The following WNK1 variants were observed in gnomAD, a reference collection of about 807,000 sequenced individuals.
WNK1 encodes serine/threonine-protein kinase WNK1.
Under a neutral mutation model 222.8 loss-of-function variants are expected in WNK1, and 38 were observed. The ratio of observed to expected loss-of-function variants is 0.17; its 90% CI spans 0.13 to 0.22. The LOEUF is 0.22. WNK1 is among the 10% of genes least tolerant of loss of function. The probability of loss-of-function intolerance (pLI) is 1.00; values close to 1 mark genes in which losing one functional copy is unlikely to be tolerated. For missense variants in WNK1, 2,348 were observed against 2,918.4 expected (o/e 0.80, Z 4.50); for synonymous variants, 1,090 against 1,092.9 (o/e 1.00, Z 0.05).
In WNK1 at chr12:760,340, A is replaced by G. The variant is rs138261728; in HGVS notation, c.759+6016A>G. Among the ~76,000 whole-genome samples the G allele has an allele frequency of 1.3e-3, 191 of 147,918 alleles. 5 individuals carry two copies. The highest frequency in any genetic ancestry group is 4.4e-3 in the African/African-American group (181 of 41,226). On this transcript the variant is annotated intron_variant, in intron 1 of 27. Transcript: ENST00000315939. ...AAAGTTCACTATGGTGTAATAGAAT[A>G]CTATACAATGAAAAGGAGCACCAAG...
intron 4 of WNK1, among the ~76,000 whole-genome samples, chr12:840,407 C>T (rs1283960305): frequency 6.6e-6 from 1 of 150,588 alleles, no homozygotes; most frequent in East Asian, 2.0e-4. Flanking sequence ...GCTGGGATTA[C>T]ATTTACGAGT....
At chr12:862,050 T>C in intron 7 of WNK1, 33 bp from the exon 8 acceptor site, 2 of 1,613,000 alleles carry the variant, frequency 1.2e-6, no homozygotes, top group Non-Finnish European at 1.7e-6. Context: ...TCTTTCTCTC[T>C]CTCTTTTTTT....
chr12:840,074 A>G (rs990476545), intron 4 of WNK1, among the ~76,000 whole-genome samples: 5 of 151,726 alleles, frequency 3.3e-5, no homozygotes, highest in Non-Finnish European at 5.9e-5. Context: ...TTCTTGGCCA[A>G]ATTCAGCCTG....
Position 909,070 on chromosome 12 carries a change from T to C in WNK1, c.*278T>C, listed in dbSNP as rs1955926396. 2.2e-6 allele frequency: 1 copy of C among 451,712 alleles called. No homozygotes were observed. The highest frequency in any genetic ancestry group is 2.0e-5 in the African/African-American group (1 of 50,506). 28.0% of individuals were successfully genotyped at this position (451,712 alleles called of 1,614,324 possible). The stretch of plus-strand genomic sequence containing the variant: ...GTTTATCTATACTCAGTAATGAGGA[T>C]GAGGGCTAGGAAAGTCTTGTTCATA... On this transcript the variant is annotated 3_prime_UTR_variant, in exon 28 of 28. Transcript: ENST00000315939.
At chr12:880,129 C>G in intron 11 of WNK1, 98 bp downstream of exon 11, 1 of 1,180,476 alleles carries the variant, frequency 8.5e-7, no homozygotes, top group Non-Finnish European at 1.2e-6. Flanking sequence ...GAATAACTAG[C>G]AATAACATGT....
rs148348214 is a variant in WNK1 at position 907,186 on chromosome 12, T to A, written c.6644-661T>A. 8.5e-3 allele frequency among the ~76,000 whole-genome samples: 1,297 copies of A among 152,010 alleles called. 12 individuals carry two copies. The highest frequency in any genetic ancestry group is 0.01 in the Non-Finnish European group (697 of 67,972). On this transcript the variant is annotated intron_variant, in intron 26 of 27. Transcript: ENST00000315939. ...AAATACAAAAATTAACTGGGCATGG[T>A]GGTGCACACCTACAATCCCAGCTAC...
At chr12:899,885 A>G (rs1443711308) in intron 25 of WNK1, among the ~76,000 whole-genome samples, 1 of 151,968 alleles carries the variant, frequency 6.6e-6, no homozygotes, top group Non-Finnish European at 1.5e-5. Context: ...ATGGAATTGC[A>G]GAATGGAATC....
chr12:865,586 C>T (rs1459992500), intron 8 of WNK1, among the ~76,000 whole-genome samples: 2 of 152,156 alleles, frequency 1.3e-5, no homozygotes, highest in Non-Finnish European at 2.9e-5. Context: ...ATGTCCTTGG[C>T]ACATACCAGC....
intron 4 of WNK1, among the ~76,000 whole-genome samples, chr12:840,886 C>A (rs748071093): frequency 2.1e-4 from 32 of 152,206 alleles, no homozygotes; most frequent in Non-Finnish European, 3.4e-4. Context: ...TCTTTTCTCT[C>A]TGTTAAGAGT....
chr12:782,373 T>A (rs958793202), intron 1 of WNK1, among the ~76,000 whole-genome samples: 4 of 152,320 alleles, frequency 2.6e-5, no homozygotes, highest in African/African-American at 9.6e-5. Flanking sequence ...TTGTCAGTCC[T>A]ATTTTATAGA....
chr12:886,440 A>G (rs10744727), intron 19 of WNK1, among the ~76,000 whole-genome samples: 71,398 of 152,036 alleles, frequency 0.47, 17,805 homozygotes, highest in African/African-American at 0.63. Context: ...AGCAGTTCAT[A>G]GTCTTTGTTT....
chr12:879,470 C>A, intron 10 of WNK1, 103 bp from the exon 11 acceptor site: 8 of 658,276 alleles, frequency 1.2e-5, no homozygotes, highest in Non-Finnish European at 9.0e-6. Context: ...TTGTTTTTTC[C>A]TTCTTTTTGG....
rs538626345 is a variant in WNK1 at position 794,154 on chromosome 12, A to G, written c.760-19488A>G. On this transcript the variant is annotated intron_variant, in intron 1 of 27. Coordinates refer to ENST00000315939, the MANE Select transcript of WNK1 (RefSeq NM_018979.4). The stretch of plus-strand genomic sequence containing the variant: ...TATGGAGATACCATTGTGTTTATTC[A>G]TCAGTTGATTGACATTTGTGTTGTT... 2.2e-4 allele frequency among the ~76,000 whole-genome samples: 34 copies of G among 152,318 alleles called. No homozygotes were observed. The South Asian group carries it at 7.0e-3, about 32-fold the overall frequency.
rs72647363 is a variant in WNK1 at position 753,363 on chromosome 12, C to T, written c.-203C>T. The T allele has an allele frequency of 1.5e-6, 1 of 657,076 alleles. No individual in the cohort carries two copies. The highest frequency in any genetic ancestry group is 2.5e-6 in the Non-Finnish European group (1 of 395,444). The allele number at this position is 657,076 out of a possible 1,614,324, so 40.7% of individuals were successfully genotyped here. ...CCCTCCTCGTGAGCCGCAGCAGCCT[C>T]GGTGCCAGCCCCCGCCGCAGCTGGG... On this transcript the variant is annotated 5_prime_UTR_variant, in exon 1 of 28. Transcript: ENST00000315939. The surrounding 1 kb of genome is among the most constrained non-coding windows in gnomAD (Gnocchi z 5.2).
chr12:772,746 T>C (rs1942679798), intron 1 of WNK1, among the ~76,000 whole-genome samples: 1 of 152,210 alleles, frequency 6.6e-6, no homozygotes, highest in Non-Finnish European at 1.5e-5. Context: ...ATACATTTGA[T>C]TGCTCTGAAC....
intron 22 of WNK1, 64 bp downstream of exon 22, chr12:890,577 G>A: frequency 7.6e-6 from 12 of 1,574,978 alleles, no homozygotes; most frequent in Non-Finnish European, 1.0e-5. Context: ...TGATTCAGGA[G>A]GTTTACCGTT....
intron 20 of WNK1, 108 bp downstream of exon 20, chr12:887,412 A>C (rs1405910753): frequency 9.9e-7 from 1 of 1,007,394 alleles, no homozygotes; most frequent in African/African-American, 1.6e-5. Context: ...TCTTTGACTT[A>C]GTAACACCTT....
chr12:896,940 G>A (rs1056937078), intron 24 of WNK1, among the ~76,000 whole-genome samples: 3 of 118,418 alleles, frequency 2.5e-5, no homozygotes, highest in African/African-American at 1.1e-4. Flanking sequence ...ACACACACAC[G>A]ATTCCCAACC....
chr12:771,751 A>G (rs1942533258), intron 1 of WNK1, among the ~76,000 whole-genome samples: 1 of 152,104 alleles, frequency 6.6e-6, no homozygotes, highest in Non-Finnish European at 1.5e-5. Context: ...GCTTTATTTT[A>G]ATAAAGTTGT....
Sources: allele counts gnomAD v4.1 joint callset (sites outside exome capture counted in the v4.1 genomes callset), GRCh38; gene constraint gnomAD v4.1.1; non-coding constraint Gnocchi (gnomAD v3.1); transcripts MANE v1.5; gene names NCBI Gene and HGNC (gene_info 2026-07-23, HGNC 2026-07-21).